DRC12: variants seen among roughly 807,000 people sequenced by gnomAD.
The protein encoded by DRC12 is dynein regulatory complex protein 12.
the DRC12 span, chr11:119,190,677 T>C: frequency 1.7e-5 from 27 of 1,603,920 alleles, no homozygotes; most frequent in Non-Finnish European, 2.3e-5. The surrounding 1 kb of genome is among the most constrained non-coding windows in gnomAD (Gnocchi z 4.2). Flanking sequence ...TCCTGGGTAC[T>C]GGGATGGCTG....
the DRC12 span, chr11:119,190,684 G>A: frequency 1.9e-6 from 3 of 1,606,552 alleles, no homozygotes; most frequent in South Asian, 2.2e-5. The surrounding 1 kb of genome is among the most constrained non-coding windows in gnomAD (Gnocchi z 4.2). Context: ...TACTGGGATG[G>A]CTGGGATCCA....
chr11:119,193,458 G>T, the DRC12 span: 5 of 1,002,960 alleles, frequency 5.0e-6, no homozygotes, highest in Admixed American at 8.5e-5. Flanking sequence ...TCCAGCTTTG[G>T]ATGGGGATGC....
chr11:119,195,365 C>A, the DRC12 span: 1 of 1,451,694 alleles, frequency 6.9e-7, no homozygotes, highest in Non-Finnish European at 9.4e-7. Flanking sequence ...AGGAGCTCTG[C>A]GTGGTCTTCA....
At chr11:119,192,835 C>T in the DRC12 span, among the ~76,000 whole-genome samples, 40 of 152,190 alleles carry the variant, frequency 2.6e-4, no homozygotes, top group East Asian at 6.8e-3. Flanking sequence ...TTAGTAGAGA[C>T]GGGGTTTTGC....
the DRC12 span, chr11:119,193,555 G>C: frequency 7.0e-7 from 1 of 1,423,580 alleles, no homozygotes; most frequent in Non-Finnish European, 9.2e-7. Context: ...ATGGCACCAG[G>C]CATCCTGGAA....
chr11:119,192,941 T>G, the DRC12 span, among the ~76,000 whole-genome samples: 5 of 152,184 alleles, frequency 3.3e-5, no homozygotes, highest in African/African-American at 4.8e-5. Context: ...CCACCGCGCC[T>G]GGAGCCTCTT....
the DRC12 span, chr11:119,195,191 CA>C: frequency 3.2e-6 from 2 of 628,686 alleles, no homozygotes; most frequent in Admixed American, 5.7e-5. Flanking sequence ...GCAAAATACA[CA>C]TGACAAATAT....
At chr11:119,192,239 G>C in the DRC12 span, among the ~76,000 whole-genome samples, 1 of 152,168 alleles carries the variant, frequency 6.6e-6, no homozygotes, top group East Asian at 1.9e-4. Flanking sequence ...GCCTCCCAAA[G>C]TGCTGGGATT....
the DRC12 span, chr11:119,195,733 A>G: frequency 1.7e-5 from 8 of 484,472 alleles, no homozygotes; most frequent in Non-Finnish European, 2.9e-5. Context: ...ACTCTCTTTT[A>G]GAGAAACGAA....
chr11:119,190,317 G>C, the DRC12 span: 2 of 1,614,166 alleles, frequency 1.2e-6, no homozygotes, highest in Non-Finnish European at 1.7e-6. This position sits in a 1 kb window ranked among gnomAD's most constrained non-coding sequence, Gnocchi z 4.2. Context: ...CTAGGGGCTG[G>C]TGGCCTCAAA....
the DRC12 span, chr11:119,193,064 G>T: frequency 8.5e-7 from 1 of 1,183,118 alleles, no homozygotes. Context: ...GCAGCTTTCT[G>T]GAGCAGAGAC....
chr11:119,193,286 T>A, the DRC12 span: 1 of 1,512,218 alleles, frequency 6.6e-7, no homozygotes, highest in Non-Finnish European at 9.2e-7. Context: ...AGGTTGGAGA[T>A]GGAGGGATGG....
the DRC12 span, among the ~76,000 whole-genome samples, chr11:119,192,321 A>G: frequency 4.6e-5 from 7 of 152,198 alleles, no homozygotes; most frequent in African/African-American, 9.7e-5. Context: ...AAATTGTGAA[A>G]GAGCTCATGT....
At chr11:119,194,931 T>A in the DRC12 span, 1 of 1,551,350 alleles carries the variant, frequency 6.4e-7, no homozygotes, top group Non-Finnish European at 8.7e-7. Context: ...ACCCAAGTGG[T>A]CTCGGAGCAG....
At chr11:119,193,780 T>G in the DRC12 span, 1 of 1,551,564 alleles carries the variant, frequency 6.4e-7, no homozygotes, top group Non-Finnish European at 8.7e-7. Flanking sequence ...ATATATGGCC[T>G]TCCCTTCACT....
At chr11:119,193,135 G>A in the DRC12 span, 1 of 1,608,338 alleles carries the variant, frequency 6.2e-7, no homozygotes, top group African/African-American at 1.3e-5. Flanking sequence ...GGGGCTTGGA[G>A]GGTGGGGAAA....
the DRC12 span, chr11:119,193,063 T>C: frequency 8.5e-7 from 1 of 1,177,606 alleles, no homozygotes; most frequent in South Asian, 1.2e-5. Context: ...GGCAGCTTTC[T>C]GGAGCAGAGA....
chr11:119,194,939 C>A, the DRC12 span: 1 of 1,551,518 alleles, frequency 6.4e-7, no homozygotes, highest in Non-Finnish European at 8.7e-7. Context: ...GGTCTCGGAG[C>A]AGCTCCTTCT....
the DRC12 span, chr11:119,193,740 G>A: frequency 6.4e-7 from 1 of 1,550,680 alleles, no homozygotes; most frequent in Non-Finnish European, 8.7e-7. Flanking sequence ...CCTGTCTCCT[G>A]CCCACCTGCT....
Sources: allele counts gnomAD v4.1 joint callset (sites outside exome capture counted in the v4.1 genomes callset), GRCh38; gene constraint gnomAD v4.1.1; non-coding constraint Gnocchi (gnomAD v3.1); transcripts MANE v1.5; gene names NCBI Gene and HGNC (gene_info 2026-07-23, HGNC 2026-07-21).